The following GIN1 variants were observed in gnomAD, a reference collection of about 807,000 sequenced individuals.
The protein encoded by GIN1 is gypsy retrotransposon integrase-like protein 1.
Under a neutral mutation model 51.4 loss-of-function variants are expected in GIN1, and 41 were observed. The observed-to-expected ratio is 0.80, with a 90% CI of 0.62 to 1.04. The LOEUF (loss-of-function observed/expected upper bound fraction) is 1.04. Among genes scored for constraint, GIN1 ranks in the 50% least tolerant of loss-of-function variants. The pLI, the probability that GIN1 is intolerant of heterozygous loss-of-function variation, is 0.00. For missense variants in GIN1, 610 were observed against 612.4 expected, an observed-to-expected ratio of 1.00 and a Z score of 0.04; for synonymous variants, 222 against 206.5, an observed-to-expected ratio of 1.07 and a Z score of -0.64.
intron 1 of GIN1, among the ~76,000 whole-genome samples, chr5:103,114,793 T>C (rs1554197215): frequency 6.6e-6 from 1 of 152,182 alleles, no homozygotes; most frequent in African/African-American, 2.4e-5. Flanking sequence ...ATTGTAAATC[T>C]TTAGGGACAT....
chr5:103,089,348 C>G (rs782076546), intron 7 of GIN1, among the ~76,000 whole-genome samples: 2 of 152,170 alleles, frequency 1.3e-5, no homozygotes, highest in African/African-American at 2.4e-5. Context: ...TGATTAACTT[C>G]CTGGATCCCT....
Position 103,097,585 on chromosome 5 carries a change from C to G in GIN1, c.831+5G>C, listed in dbSNP as rs781894981. On this transcript the variant is annotated splice_donor_5th_base_variant and intron_variant, in intron 5 of 7. Coordinates refer to ENST00000399004, the MANE Select transcript of GIN1 (RefSeq NM_017676.2). ...AGAAGTACAGAATTATAAAAAGGCACATACCAAGTGAGTTACATTGAAGGC... is the reference window on the plus strand; with the variant it reads ...AGAAGTACAGAATTATAAAAAGGCAGATACCAAGTGAGTTACATTGAAGGC... 3 of 1,584,122 alleles carry G rather than the reference C, an allele frequency of 1.9e-6. No homozygotes were observed. The South Asian group carries it at 3.3e-5, about 18-fold the overall frequency.
chr5:103,093,153 T>G (rs1219811884), intron 7 of GIN1, among the ~76,000 whole-genome samples: 1 of 152,078 alleles, frequency 6.6e-6, no homozygotes, highest in Non-Finnish European at 1.5e-5. Context: ...GTCAACATAC[T>G]ACTCCTTGGA....
At chr5:103,099,042 A>T (rs933434443) in intron 4 of GIN1, among the ~76,000 whole-genome samples, 10 of 151,934 alleles carry the variant, frequency 6.6e-5, no homozygotes, top group African/African-American at 2.2e-4. Context: ...CCTTTGGCTC[A>T]TAAATTTGTC....
Position 103,088,653 on chromosome 5 carries a change from G to T in GIN1, c.1295-481C>A, listed in dbSNP as rs7718846. Among the ~76,000 whole-genome samples the T allele has an allele frequency of 9.3e-4, 142 of 152,224 alleles. 1 individual carries two copies. Among genetic ancestry groups the T allele is most frequent in the African/African-American group, 3.3e-3 (139 of 41,542 alleles). Reference sequence around the variant, plus strand: ...ACAAAAAATACAAACAATTAGCAAGGTGTGGTTAAGGGTGTCTATGGTCCT... The same window carrying T: ...ACAAAAAATACAAACAATTAGCAAGTTGTGGTTAAGGGTGTCTATGGTCCT... On this transcript the variant is annotated intron_variant, in intron 7 of 7. Coordinates refer to ENST00000399004, the MANE Select transcript of GIN1 (RefSeq NM_017676.2).
At chr5:103,117,090 G>A (rs559056854) in intron 1 of GIN1, among the ~76,000 whole-genome samples, 57 of 152,174 alleles carry the variant, frequency 3.7e-4, no homozygotes, top group East Asian at 9.6e-4. Context: ...ACCTGTAAGT[G>A]TATGTTTTTA....
intron 7 of GIN1, among the ~76,000 whole-genome samples, chr5:103,095,683 A>T (rs529217845): frequency 6.6e-6 from 1 of 152,336 alleles, no homozygotes; most frequent in African/African-American, 2.4e-5. Context: ...GCACTTTGGG[A>T]GGCCAAGGCA....
At position 103,103,714 on chromosome 5, in the gene GIN1, C is replaced by T. The variant is rs1304754864; in HGVS notation, c.639+827G>A. On this transcript the variant is annotated intron_variant, in intron 4 of 7. Coordinates refer to ENST00000399004, the MANE Select transcript of GIN1 (RefSeq NM_017676.2). ...GGGAGAAAGTACCTTTCAATACTGA[C>T]TATTCTTATTCATGAAGAAAATGTA... is the stretch of plus-strand genomic sequence containing the variant. Among the ~76,000 whole-genome samples, 4 of 152,306 alleles carry T rather than the reference C, an allele frequency of 2.6e-5. No individual in the cohort carries two copies. In the East Asian group the frequency reaches 7.7e-4, roughly 29 times the overall value.
At chr5:103,091,140 T>C (rs1554194498) in intron 7 of GIN1, among the ~76,000 whole-genome samples, 1 of 152,184 alleles carries the variant, frequency 6.6e-6, no homozygotes, top group African/African-American at 2.4e-5. Flanking sequence ...CTAAATCTAC[T>C]GGAGCTAAGA....
chr5:103,097,765 T>C lies in GIN1; in HGVS notation c.656A>G (p.Tyr219Cys). 1.3e-6 allele frequency: 2 copies of C among 1,508,970 alleles called. No homozygotes were observed. The highest frequency in any genetic ancestry group is 1.1e-5 in the South Asian group (1 of 88,522). 93.5% of individuals were successfully genotyped at this position (1,508,970 alleles called of 1,614,324 possible). The change falls in exon 5 of 8, where the codon TAC becomes TGC. Residue 219 changes from tyrosine (Y) to cysteine (C), a missense_variant. By Grantham distance (194) the Tyr-to-Cys change is radical (BLOSUM62 -2). Transcript: ENST00000399004. ...EFIQQINIELYRLFGIKQIVI... is the reference protein window; with the variant it reads ...EFIQQINIELCRLFGIKQIVI... ...AATTTGCTTTATGCCAAACAATCTG[T>C]ACAGTTCAATATTGATCTGAAAAAT...
At chr5:103,118,749 GTTTT>G (rs10555111) in intron 1 of GIN1, among the ~76,000 whole-genome samples, 1 of 87,006 alleles carries the variant, frequency 1.1e-5, no homozygotes, top group Non-Finnish European at 3.0e-5. Context: ...AATGAAAGTT[GTTTT>G]TTTTTTTTCA....
Position 103,104,574 on chromosome 5 carries a change from T to C in GIN1, c.606A>G (p.Ile202Met). 1.3e-6 allele frequency: 2 copies of C among 1,547,388 alleles called. No individual in the cohort carries two copies. The highest frequency in any genetic ancestry group is 2.2e-5 in the South Asian group (2 of 89,160). ...IFFLYGPPQK[I>M]IMDQRDEFIQ... The stretch of plus-strand genomic sequence containing the variant: ...TGAATTCATCTCTTTGGTCCATTAT[T>C]ATTTTCTGAGGAGGTCCATATAAGA... Residue 202 changes from isoleucine (I) to methionine (M), a missense_variant, in exon 4 of 8, where the codon ATA (isoleucine) becomes ATG (methionine). Coordinates refer to ENST00000399004, the MANE Select transcript of GIN1 (RefSeq NM_017676.2).
intron 3 of GIN1, 71 bp downstream of exon 3, chr5:103,106,645 G>A: frequency 1.1e-6 from 1 of 913,168 alleles, no homozygotes; most frequent in South Asian, 1.7e-5. Flanking sequence ...GAATAAATCT[G>A]GAGAAATAAT....
chr5:103,115,106 TAA>T (rs1787996228), intron 1 of GIN1, among the ~76,000 whole-genome samples: 1 of 152,106 alleles, frequency 6.6e-6, no homozygotes. Context: ...TTCATTGATC[TAA>T]AAAATGTGAC....
At chr5:103,101,345 C>A (rs544052164) in intron 4 of GIN1, among the ~76,000 whole-genome samples, 49 of 152,278 alleles carry the variant, frequency 3.2e-4, no homozygotes, top group African/African-American at 1.1e-3. Context: ...TATCACTATA[C>A]GCAGAATGGT....
Position 103,087,987 on chromosome 5 carries a change from A to T in GIN1, c.1480T>A (p.Ser494Thr), listed in dbSNP as rs1554194111. 2.5e-6 allele frequency: 4 copies of T among 1,597,564 alleles called. No individual in the cohort carries two copies. Among genetic ancestry groups the T allele is most frequent in the Middle Eastern group, 1.7e-4 (1 of 6,020 alleles). ...ELLEYRNTKI[S>T]PLIDDHSSLE... ...GAACTATGATCGTCTATCAATGGAG[A>T]GATTTTCGTATTTCTATATTCTAAT... Residue 494 changes from serine (S) to threonine (T), a missense_variant, in exon 8 of 8, where the codon TCT becomes ACT. Coordinates refer to ENST00000399004, the MANE Select transcript of GIN1 (RefSeq NM_017676.2).
chr5:103,119,167 AG>A (rs1788239878), intron 1 of GIN1, among the ~76,000 whole-genome samples: 1 of 152,250 alleles, frequency 6.6e-6, no homozygotes, highest in South Asian at 2.1e-4. Context: ...TGTCAAGATT[AG>A]GACTTAACTG....
Position 103,097,466 on chromosome 5 carries a change from A to G in GIN1, c.856T>C (p.Phe286Leu). ...TAAGGATTTCGACTAAACATTTGAA[A>G]ATATGGTGTATTTTTAGTAGGTTCC... The part of the protein sequence containing the change: ...HLEPTKNTPY[F>L]QMFSRNPYMP... Residue 286 changes from phenylalanine to leucine, a missense_variant, in exon 6 of 8, where the codon TTT (phenylalanine) becomes CTT (leucine). Coordinates refer to ENST00000399004, the MANE Select transcript of GIN1 (RefSeq NM_017676.2). 6.4e-7 allele frequency: 1 copy of G among 1,565,100 alleles called. No homozygotes were observed. Among genetic ancestry groups the G allele is most frequent in the Non-Finnish European group, 8.8e-7 (1 of 1,142,474 alleles).
At chr5:103,117,324 C>G (rs1357227167) in intron 1 of GIN1, among the ~76,000 whole-genome samples, 1 of 151,758 alleles carries the variant, frequency 6.6e-6, no homozygotes, top group African/African-American at 2.4e-5. Context: ...TATATGACAT[C>G]TGGAAAAGCC....
Sources: gnomAD v4.1 joint callset for allele counts (sites outside exome capture counted in the v4.1 genomes callset) on GRCh38, gnomAD v4.1.1 for gene constraint, MANE v1.5 for transcripts, NCBI Gene and HGNC (gene_info 2026-07-23, HGNC 2026-07-21) for gene names.